The following PLEKHH1 variants were observed in gnomAD, a reference collection of about 807,000 sequenced individuals.
PLEKHH1 encodes the protein pleckstrin homology, MyTH4 and FERM domain containing H1, also known as pleckstrin homology domain-containing family H member 1.
Under a neutral mutation model 160.0 loss-of-function variants are expected in PLEKHH1, and 104 were observed. The ratio of observed to expected loss-of-function variants is 0.65; its 90% CI spans 0.55 to 0.76. The LOEUF (loss-of-function observed/expected upper bound fraction) is 0.76. Among genes scored for constraint, PLEKHH1 ranks in the 30% least tolerant of loss-of-function variants. The pLI is 0.00. For missense variants in PLEKHH1, 1,427 were observed against 1,724.1 expected, an observed-to-expected ratio of 0.83 and a Z score of 3.05; for synonymous variants, 619 against 678.4, an observed-to-expected ratio of 0.91 and a Z score of 1.36.
At chr14:67,571,649 GT>G in intron 9 of PLEKHH1, 102 bp from the exon 10 acceptor site, 1 of 1,173,314 alleles carries the variant, frequency 8.5e-7, no homozygotes, top group Non-Finnish European at 1.3e-6. Flanking sequence ...CCGGCTGGGG[GT>G]TGGCCACACC....
At position 67,577,310 on chromosome 14, in the gene PLEKHH1, C is replaced by T. The variant is rs1247311040; in HGVS notation, c.2470C>T (p.Leu824Phe). 1 of 1,566,238 alleles carries T rather than the reference C, an allele frequency of 6.4e-7. No homozygotes were observed. The highest frequency in any genetic ancestry group is 2.4e-5 in the East Asian group (1 of 41,854). The stretch of plus-strand genomic sequence containing the variant: ...TTCCGTGCTTTGGGCAGATTCGCCG[C>T]TCTGGAGGCACCCCATGCTGTGCTA... Reference protein sequence around the residue: ...MDGEGDPDSPLWRHPMLCYSK... With the variant: ...MDGEGDPDSPFWRHPMLCYSK... Residue 824 changes from leucine (L) to phenylalanine (F), a missense_variant, in exon 18 of 29, where the codon CTC becomes TTC. This residue lies in a region of PLEKHH1 where 436 missense variants were observed against 607.5 expected (regional missense o/e 0.72). Transcript: ENST00000329153.
intron 2 of PLEKHH1, 77 bp downstream of exon 2, chr14:67,542,070 A>T: frequency 1.5e-6 from 2 of 1,330,600 alleles, no homozygotes; most frequent in South Asian, 2.9e-5. Flanking sequence ...AGAGAGGGAG[A>T]GTTGCGGAAA....
At position 67,570,029 on chromosome 14, in the gene PLEKHH1, C is replaced by T. The variant is rs1426811406; in HGVS notation, c.1434+17C>T. The T allele has an allele frequency of 2.2e-5, 33 of 1,500,302 alleles. No individual in the cohort carries two copies. The highest frequency in any genetic ancestry group is 2.9e-5 in the Non-Finnish European group (31 of 1,085,826). 92.9% of individuals were successfully genotyped at this position (1,500,302 alleles called of 1,614,324 possible). The stretch of plus-strand genomic sequence containing the variant: ...CTGAAGGGGGTAAGAAACTGCTGCA[C>T]AAAGAGGGGGTGTCTCATCAGGAAA... On this transcript the variant is annotated intron_variant, in intron 9 of 28. Transcript: ENST00000329153.
In PLEKHH1 at chr14:67,574,322, C is replaced by G; in HGVS notation, c.2007C>G (p.Ser669Arg). 1 of 1,604,846 alleles carries G rather than the reference C, an allele frequency of 6.2e-7. No homozygotes were observed. Among genetic ancestry groups the G allele is most frequent in the Non-Finnish European group, 8.5e-7 (1 of 1,175,768 alleles). Residue 669 changes from serine (S) to arginine (R), a missense_variant, in exon 14 of 29, where the codon AGC becomes AGG. Around this residue, in one of 6 missense-constraint regions of PLEKHH1, gnomAD observed 831 missense variants for 929.2 expected, o/e 0.89. Transcript: ENST00000329153. This position sits in a 1 kb window ranked among gnomAD's most constrained non-coding sequence, Gnocchi z 4.2. ...LLEEWIRVLQ[S>R]LLKVQATGPP... ...AGGAGTGGATCCGAGTACTCCAGAG[C>G]CTGCTGAAGGTGCAGGCCACCGGGC...
At chr14:67,535,669 C>T (rs9671816) in intron 1 of PLEKHH1, among the ~76,000 whole-genome samples, 77,273 of 151,952 alleles carry the variant, frequency 0.51, 20,016 homozygotes, top group Non-Finnish European at 0.55. Flanking sequence ...CTTGAGCCAC[C>T]GTGCCCAGCC....
At chr14:67,583,706 A>AT (rs1412198255) in intron 24 of PLEKHH1, 35 bp from the exon 25 acceptor site, 1 of 1,580,578 alleles carries the variant, frequency 6.3e-7, no homozygotes, top group Admixed American at 1.8e-5. Context: ...CCACTGTCAG[A>AT]TTTTGACTGG....
rs1594765777 is a variant in PLEKHH1 at position 67,562,437 on chromosome 14, G to T, written c.806G>T (p.Cys269Phe). ...LGRESPPHQPCMKLLTFRCSS... is the reference protein window; with the variant it reads ...LGRESPPHQPFMKLLTFRCSS... The stretch of plus-strand genomic sequence containing the variant: ...AGAGAGAGCCCTCCCCACCAGCCAT[G>T]CATGAAGCTTCTTACCTTCAGATGT... Residue 269 changes from cysteine to phenylalanine, a missense_variant, in exon 7 of 29, where the codon TGC becomes TTC. Physicochemically the swap from Cys to Phe is radical, Grantham distance 205. Around this residue, in one of 6 missense-constraint regions of PLEKHH1, gnomAD observed 831 missense variants for 929.2 expected, o/e 0.89. Coordinates refer to ENST00000329153, the MANE Select transcript of PLEKHH1 (RefSeq NM_020715.3). 4 of 1,613,720 alleles carry T rather than the reference G, an allele frequency of 2.5e-6. No homozygotes were observed. The highest frequency in any genetic ancestry group is 2.2e-5 in the East Asian group (1 of 44,882).
intron 1 of PLEKHH1, among the ~76,000 whole-genome samples, chr14:67,536,032 A>AG (rs2140305344): frequency 6.6e-6 from 1 of 152,330 alleles, no homozygotes; most frequent in Non-Finnish European, 1.5e-5. Flanking sequence ...ATTCAAACCC[A>AG]GGCCTGTCAG....
At chr14:67,572,777 C>T (rs981581390) in intron 11 of PLEKHH1, among the ~76,000 whole-genome samples, 5 of 152,240 alleles carry the variant, frequency 3.3e-5, no homozygotes, top group African/African-American at 9.6e-5. Flanking sequence ...CCGCATCCCT[C>T]GCCCCACACC....
intron 18 of PLEKHH1, 61 bp from the exon 19 acceptor site, chr14:67,577,962 G>A (rs949296863): frequency 4.8e-5 from 73 of 1,509,988 alleles, no homozygotes; most frequent in South Asian, 2.3e-4. Context: ...TGGCCAAGCC[G>A]TTGAGTTCTC....
chr14:67,582,524 A>T lies in PLEKHH1; in HGVS notation c.3426+314A>T, dbSNP rs1038522660. The stretch of plus-strand genomic sequence containing the variant: ...TTAGTTTCCTTCTCAGTATACCAAA[A>T]TAAAAAATACTTGGCCGGGAGCAGT... On this transcript the variant is annotated intron_variant, in intron 24 of 28. Transcript: ENST00000329153. This position sits in a 1 kb window ranked among gnomAD's most constrained non-coding sequence, Gnocchi z 5.0. Among the ~76,000 whole-genome samples the T allele has an allele frequency of 2.0e-5, 3 of 152,174 alleles. No homozygotes were observed. The highest frequency in any genetic ancestry group is 4.8e-5 in the African/African-American group (2 of 41,438).
intron 1 of PLEKHH1, among the ~76,000 whole-genome samples, chr14:67,536,138 G>T (rs1436277480): frequency 1.3e-5 from 2 of 148,872 alleles, no homozygotes; most frequent in African/African-American, 5.2e-5. Context: ...ACTTCTTTTG[G>T]TATTGAGGTT....
chr14:67,569,313 G>A (rs954329550), intron 8 of PLEKHH1, 97 bp downstream of exon 8: 24 of 838,286 alleles, frequency 2.9e-5, no homozygotes, highest in African/African-American at 2.1e-4. Context: ...CAGGGCCAGG[G>A]TTGGCTGGCC....
intron 2 of PLEKHH1, among the ~76,000 whole-genome samples, chr14:67,552,877 C>T (rs558642308): frequency 6.6e-6 from 1 of 152,184 alleles, no homozygotes; most frequent in Non-Finnish European, 1.5e-5. Flanking sequence ...CAGGGGAGAC[C>T]CCAGGCTCTG....
At chr14:67,560,381 A>G (rs1048692659) in intron 5 of PLEKHH1, among the ~76,000 whole-genome samples, 3 of 152,186 alleles carry the variant, frequency 2.0e-5, no homozygotes. Flanking sequence ...GTGTGGTAAA[A>G]TATACATAAA....
rs188461462 is a variant in PLEKHH1 at position 67,584,172 on chromosome 14, A to G, written c.3699+48A>G. 1.3e-3 allele frequency: 2,124 copies of G among 1,590,032 alleles called. 3 individuals are homozygous for G. Among genetic ancestry groups the G allele is most frequent in the Non-Finnish European group, 1.7e-3 (1,952 of 1,166,448 alleles). Reference sequence around the variant, plus strand: ...GCCCACACCCTTAGGTGTGTCCCCAACTGCTCATGTTTGAGCCATACCAAT... The same window carrying G: ...GCCCACACCCTTAGGTGTGTCCCCAGCTGCTCATGTTTGAGCCATACCAAT... On this transcript the variant is annotated intron_variant, in intron 26 of 28. Coordinates refer to ENST00000329153, the MANE Select transcript of PLEKHH1 (RefSeq NM_020715.3).
Position 67,573,472 on chromosome 14 carries a change from T to C in PLEKHH1, c.1839+86T>C. The C allele has an allele frequency of 2.1e-6, 2 of 946,332 alleles. No individual in the cohort carries two copies. The highest frequency in any genetic ancestry group is 2.5e-5 in the East Asian group (1 of 39,784). 58.6% of individuals were successfully genotyped at this position (946,332 alleles called of 1,614,324 possible). A position where few individuals can be genotyped will look rare whatever the true frequency, so the allele number is the denominator to read the frequency against. ...GTCAGATGGGACGGAGGAGGGGGAA[T>C]GTGGCCCAAGGCCAGAGGGCAAAGG... On this transcript the variant is annotated intron_variant, in intron 12 of 28. Coordinates refer to ENST00000329153, the MANE Select transcript of PLEKHH1 (RefSeq NM_020715.3). This position sits in a 1 kb window ranked among gnomAD's most constrained non-coding sequence, Gnocchi z 4.8.
chr14:67,569,832 G>A lies in PLEKHH1; in HGVS notation c.1343-89G>A. 5 of 806,370 alleles carry A rather than the reference G, an allele frequency of 6.2e-6. No individual in the cohort carries two copies. In the South Asian group the frequency reaches 7.3e-5, roughly 12 times the overall value. 50.0% of individuals were successfully genotyped at this position (806,370 alleles called of 1,614,324 possible). On this transcript the variant is annotated intron_variant, in intron 8 of 28. Coordinates refer to ENST00000329153, the MANE Select transcript of PLEKHH1 (RefSeq NM_020715.3). ...ATCTGTCACTGGCCTGCTCCTGGAGGGAATGCCATCTGCCCAGTTCTCTGC... is the reference window on the plus strand; with the variant it reads ...ATCTGTCACTGGCCTGCTCCTGGAGAGAATGCCATCTGCCCAGTTCTCTGC...
In PLEKHH1 at chr14:67,572,295, C is replaced by A. The variant is rs375000269; in HGVS notation, c.1728+18C>A. ...TGGGCGGGGTGAGCCGGGAAACGGG[C>A]GGGGGCAGGGTGGAAGCAGAATGCA... On this transcript the variant is annotated intron_variant, in intron 11 of 28. Coordinates refer to ENST00000329153, the MANE Select transcript of PLEKHH1 (RefSeq NM_020715.3). 3 of 1,528,984 alleles carry A rather than the reference C, an allele frequency of 2.0e-6. No individual in the cohort carries two copies. Among genetic ancestry groups the A allele is most frequent in the African/African-American group, 1.4e-5 (1 of 72,394 alleles). The allele number at this position is 1,528,984 out of a possible 1,614,324, so 94.7% of individuals were successfully genotyped here.
Sources: allele counts gnomAD v4.1 joint callset (sites outside exome capture counted in the v4.1 genomes callset), GRCh38; gene constraint gnomAD v4.1.1; regional missense constraint gnomAD v4.1.1; non-coding constraint Gnocchi (gnomAD v3.1); transcripts MANE v1.5; gene names NCBI Gene and HGNC (gene_info 2026-07-23, HGNC 2026-07-21).